The following DLC1 variants were observed in gnomAD, a reference collection of about 807,000 sequenced individuals.
The protein encoded by DLC1 is DLC1 Rho GTPase activating protein, also known as rho GTPase-activating protein 7.
Under a neutral mutation model 140.3 loss-of-function variants are expected in DLC1, and 54 were observed. That is an observed-to-expected ratio of 0.38 (90% CI 0.31 to 0.48). The LOEUF (loss-of-function observed/expected upper bound fraction) is 0.48, where lower values mean the gene tolerates loss of function less well. DLC1 is among the 20% of genes least tolerant of loss of function. DLC1 has a pLI of 0.96. For synonymous variants in DLC1, 986 were observed against 728.1 expected (o/e 1.35, Z -5.70); for missense variants, 2,536 against 1,907.0 (o/e 1.33, Z -6.14).
chr8:13,431,604 A>T (rs150038752), intron 2 of DLC1, among the ~76,000 whole-genome samples: 54 of 151,538 alleles, frequency 3.6e-4, no homozygotes, highest in African/African-American at 1.3e-3. Flanking sequence ...AGATTTCTCA[A>T]TGCCATGGCA....
chr8:13,508,362 T>A (rs1563408975), intron 1 of DLC1, among the ~76,000 whole-genome samples: 1 of 152,096 alleles, frequency 6.6e-6, no homozygotes, highest in Non-Finnish European at 1.5e-5. Context: ...TTCTAGGAGA[T>A]CCCAGAATTA....
chr8:13,190,382 A>T (rs1325050895), intron 5 of DLC1, among the ~76,000 whole-genome samples: 1 of 152,094 alleles, frequency 6.6e-6, no homozygotes, highest in Non-Finnish European at 1.5e-5. Context: ...GTCACCACCC[A>T]TGGCTGGTGA....
chr8:13,260,605 A>C (rs1171922030), intron 5 of DLC1, among the ~76,000 whole-genome samples: 1 of 152,208 alleles, frequency 6.6e-6, no homozygotes, highest in Non-Finnish European at 1.5e-5. Flanking sequence ...TTTAAAGGTG[A>C]GGATAGGACA....
chr8:13,349,358 A>G (rs1017204019), intron 4 of DLC1, among the ~76,000 whole-genome samples: 1 of 152,196 alleles, frequency 6.6e-6, no homozygotes, highest in African/African-American at 2.4e-5. Context: ...CACCTATCTT[A>G]GAGCCCTCTC....
chr8:13,431,834 A>T (rs1018462941), intron 2 of DLC1, among the ~76,000 whole-genome samples: 68 of 152,274 alleles, frequency 4.5e-4, no homozygotes, highest in African/African-American at 1.5e-3. Context: ...CAGCCTCCTA[A>T]AGCTGAGTAG....
At chr8:13,460,464 C>T (rs770417324) in intron 2 of DLC1, among the ~76,000 whole-genome samples, 2 of 152,202 alleles carry the variant, frequency 1.3e-5, no homozygotes, top group Admixed American at 6.5e-5. Context: ...TGTGTGTGGG[C>T]TTTGCAAAGG....
At chr8:13,501,879 C>A (rs375263346) in intron 1 of DLC1, among the ~76,000 whole-genome samples, 67 of 152,260 alleles carry the variant, frequency 4.4e-4, no homozygotes, top group African/African-American at 1.6e-3. Context: ...CACATAGATG[C>A]AAGCCAGAAA....
In DLC1 at chr8:13,553,947, G is replaced by C. The variant is rs962343266; in HGVS notation, c.-126+50590C>G. Among the ~76,000 whole-genome samples the C allele has an allele frequency of 4.6e-5, 7 of 151,998 alleles. 1 individual carries two copies. The highest frequency in any genetic ancestry group is 2.0e-4 in the Admixed American group (3 of 15,242). On this transcript the variant is annotated intron_variant, in intron 1 of 1. Transcript: ENST00000631382. ...TACTCTTTGTCTGCGCCCTTTGCTT[G>C]ATCTTTCTAACATCCCTGCCCCCTT...
At chr8:13,389,267 A>G (rs1361517603) in intron 4 of DLC1, among the ~76,000 whole-genome samples, 1 of 152,136 alleles carries the variant, frequency 6.6e-6, no homozygotes, top group Non-Finnish European at 1.5e-5. Context: ...AGAGATTTTA[A>G]TGTTCAGCTT....
intron 4 of DLC1, among the ~76,000 whole-genome samples, chr8:13,354,287 T>G (rs1834818734): frequency 6.6e-6 from 1 of 152,194 alleles, no homozygotes; most frequent in Non-Finnish European, 1.5e-5. Context: ...TACTTCTGTC[T>G]TGGCCTGTAA....
At chr8:13,461,993 C>A (rs904093423) in intron 2 of DLC1, among the ~76,000 whole-genome samples, 2 of 152,128 alleles carry the variant, frequency 1.3e-5, no homozygotes, top group Admixed American at 6.5e-5. Flanking sequence ...GGAGAGAAAG[C>A]CCCGTTTTAC....
chr8:13,595,928 A>T (rs1805666300), intron 1 of DLC1, among the ~76,000 whole-genome samples: 1 of 151,976 alleles, frequency 6.6e-6, no homozygotes, highest in Non-Finnish European at 1.5e-5. Flanking sequence ...TAAATATATC[A>T]CACAAAAGCA....
chr8:13,138,959 G>A (rs955396601), intron 5 of DLC1, among the ~76,000 whole-genome samples: 2 of 152,074 alleles, frequency 1.3e-5, no homozygotes, highest in African/African-American at 4.8e-5. Flanking sequence ...TCAAAATATA[G>A]GGAAGTTTAA....
intron 5 of DLC1, among the ~76,000 whole-genome samples, chr8:13,217,178 T>C (rs550691560): frequency 1.2e-3 from 180 of 152,298 alleles, no homozygotes; most frequent in African/African-American, 4.2e-3. Flanking sequence ...CTCTTACTAT[T>C]TGTATAGCTG....
intron 5 of DLC1, among the ~76,000 whole-genome samples, chr8:13,250,368 CA>C (rs1829950626): frequency 6.6e-6 from 1 of 152,168 alleles, no homozygotes; most frequent in African/African-American, 2.4e-5. Context: ...CTGGCCCACA[CA>C]GTATCATTTC....
intron 2 of DLC1, among the ~76,000 whole-genome samples, chr8:13,406,150 G>A (rs900583557): frequency 7.9e-5 from 11 of 139,438 alleles, no homozygotes; most frequent in Non-Finnish European, 1.2e-4. Context: ...GGGATTATAC[G>A]CGCCTGCCAC....
intron 1 of DLC1, among the ~76,000 whole-genome samples, chr8:13,546,514 A>T (rs979180835): frequency 6.6e-6 from 1 of 152,142 alleles, no homozygotes; most frequent in African/African-American, 2.4e-5. Context: ...TTTAGGTGCA[A>T]CTTGAAGTCA....
intron 1 of DLC1, among the ~76,000 whole-genome samples, chr8:13,550,761 G>A (rs2117354693): frequency 6.6e-6 from 1 of 152,150 alleles, no homozygotes; most frequent in East Asian, 1.9e-4. Flanking sequence ...CTGGAATCAA[G>A]CTACATGTTC....
At chr8:13,466,471 G>A (rs1328372963) in intron 2 of DLC1, among the ~76,000 whole-genome samples, 1 of 152,180 alleles carries the variant, frequency 6.6e-6, no homozygotes, top group East Asian at 1.9e-4. Context: ...TAGAAATAAA[G>A]AGAACACACG....
Sources: allele counts gnomAD v4.1 joint callset (sites outside exome capture counted in the v4.1 genomes callset), GRCh38; gene constraint gnomAD v4.1.1; transcripts MANE v1.5; gene names NCBI Gene and HGNC (gene_info 2026-07-23, HGNC 2026-07-21).